The following BLTP2 variants were observed in gnomAD, a reference collection of about 807,000 sequenced individuals.
BLTP2 encodes the protein bridge-like lipid transfer protein family member 2, also known as U937-associated antigen.
chr17:28,621,403 G>C, the BLTP2 span: 1 of 1,613,308 alleles, frequency 6.2e-7, no homozygotes, highest in Non-Finnish European at 8.5e-7. Context: ...GCTGACCTGT[G>C]GTTGTGGTAA....
chr17:28,614,950 T>C, the BLTP2 span: 1 of 960,502 alleles, frequency 1.0e-6, no homozygotes, highest in Non-Finnish European at 1.6e-6. Context: ...GTGATGCCTA[T>C]GGGCTCTGAC....
chr17:28,621,386 G>C, the BLTP2 span: 5 of 1,606,346 alleles, frequency 3.1e-6, no homozygotes, highest in Non-Finnish European at 1.7e-6. Flanking sequence ...TGCAGAGGAG[G>C]GGGAGGGCTG....
chr17:28,634,536 G>A, the BLTP2 span: 15 of 1,613,690 alleles, frequency 9.3e-6, no homozygotes, highest in Admixed American at 2.3e-4. Flanking sequence ...TCTTGACATT[G>A]CACTTGAGCA....
At chr17:28,623,632 CAA>C in the BLTP2 span, 3 of 744,032 alleles carry the variant, frequency 4.0e-6, no homozygotes, top group South Asian at 3.6e-5. Context: ...TGCCCACATT[CAA>C]GGTGTTATTA....
the BLTP2 span, chr17:28,642,018 T>C: frequency 6.2e-7 from 1 of 1,614,186 alleles, no homozygotes; most frequent in East Asian, 2.2e-5. Flanking sequence ...TGCCGACTGC[T>C]AATGCCCACC....
At chr17:28,614,884 A>G in the BLTP2 span, 2 of 649,672 alleles carry the variant, frequency 3.1e-6, no homozygotes, top group East Asian at 5.2e-5. Flanking sequence ...AGTGTGAGAC[A>G]GAACTCAGCA....
At chr17:28,615,091 C>T in the BLTP2 span, 2 of 1,613,762 alleles carry the variant, frequency 1.2e-6, no homozygotes, top group Non-Finnish European at 1.7e-6. Flanking sequence ...AGATGGACTT[C>T]TTGCCAGGGT....
the BLTP2 span, among the ~76,000 whole-genome samples, chr17:28,618,407 A>G: frequency 6.6e-5 from 10 of 152,058 alleles, no homozygotes; most frequent in Non-Finnish European, 1.3e-4. Flanking sequence ...ATGCACCACG[A>G]TGCCCAGCTA....
At chr17:28,615,022 G>C in the BLTP2 span, 3 of 1,567,068 alleles carry the variant, frequency 1.9e-6, no homozygotes, top group South Asian at 3.5e-5. Context: ...TGGAGCCTGA[G>C]CCAGAGTCAG....
chr17:28,626,837 G>A, the BLTP2 span, among the ~76,000 whole-genome samples: 3 of 152,172 alleles, frequency 2.0e-5, no homozygotes, highest in Non-Finnish European at 1.5e-5. Context: ...CAGTAATCCA[G>A]TAAACATGTT....
the BLTP2 span, chr17:28,634,713 G>C: frequency 6.2e-7 from 1 of 1,614,168 alleles, no homozygotes; most frequent in South Asian, 1.1e-5. Context: ...CCCGGCGCAT[G>C]GGTGTGTTGC....
chr17:28,638,799 C>T, the BLTP2 span, among the ~76,000 whole-genome samples: 1 of 152,174 alleles, frequency 6.6e-6, no homozygotes, highest in East Asian at 1.9e-4. Flanking sequence ...CTGAACTCAT[C>T]AGTTTATTGC....
chr17:28,621,352 G>T, the BLTP2 span: 2 of 1,516,784 alleles, frequency 1.3e-6, no homozygotes, highest in Non-Finnish European at 1.8e-6. Context: ...CCTTTGGGAT[G>T]CACATCTGCT....
chr17:28,637,069 T>C, the BLTP2 span: 2 of 1,614,170 alleles, frequency 1.2e-6, no homozygotes, highest in Non-Finnish European at 1.7e-6. Context: ...ATCTTCTCCG[T>C]GACTGATTTC....
chr17:28,621,019 C>T, the BLTP2 span: 1 of 1,614,132 alleles, frequency 6.2e-7, no homozygotes, highest in Non-Finnish European at 8.5e-7. Context: ...CTTCCTTTTC[C>T]TGGTTCTCAA....
At chr17:28,641,827 T>C in the BLTP2 span, 3 of 1,454,132 alleles carry the variant, frequency 2.1e-6, no homozygotes, top group East Asian at 4.6e-5. Flanking sequence ...CACTATTTTT[T>C]CTACTTCCAA....
the BLTP2 span, chr17:28,637,784 G>C: frequency 6.4e-7 from 1 of 1,561,518 alleles, no homozygotes. Context: ...TGATTCTCCT[G>C]CCTCAGTCTC....
At chr17:28,632,575 G>A in the BLTP2 span, among the ~76,000 whole-genome samples, 1 of 152,062 alleles carries the variant, frequency 6.6e-6, no homozygotes, top group Admixed American at 6.6e-5. Context: ...GTCCAAGGGA[G>A]CTCACTGACT....
chr17:28,641,899 A>C, the BLTP2 span: 6 of 1,609,156 alleles, frequency 3.7e-6, no homozygotes, highest in African/African-American at 8.0e-5. Flanking sequence ...CTGAACAGGG[A>C]ACAGGCTTAG....
Sources: gnomAD v4.1 joint callset for allele counts (sites outside exome capture counted in the v4.1 genomes callset) on GRCh38, gnomAD v4.1.1 for gene constraint, MANE v1.5 for transcripts, NCBI Gene and HGNC (gene_info 2026-07-23, HGNC 2026-07-21) for gene names.